The following CADM2 variants were observed in gnomAD, a reference collection of about 807,000 sequenced individuals.
CADM2 encodes immunoglobulin superfamily member 4D.
CADM2 carries 12 observed loss-of-function variants against 49.8 expected under a neutral mutation model. That is an observed-to-expected ratio of 0.24 (90% CI 0.15 to 0.39). The LOEUF is 0.39. Ranked by LOEUF, CADM2 falls within the 10% of genes least tolerant of loss-of-function variation. CADM2 has a pLI of 1.00. For missense variants in CADM2, 378 were observed against 492.3 expected (o/e 0.77, Z 2.20); for synonymous variants, 214 against 175.4 (o/e 1.22, Z -1.74).
At chr3:85,507,609 TC>T in intron 1 of CADM2, among the ~76,000 whole-genome samples, 1 of 152,344 alleles carries the variant, frequency 6.6e-6, no homozygotes, top group East Asian at 1.9e-4. Flanking sequence ...CATTAGGCAA[TC>T]ATTTCTTCAA....
chr3:85,701,318 T>G (rs2066745497), intron 1 of CADM2, among the ~76,000 whole-genome samples: 1 of 152,158 alleles, frequency 6.6e-6, no homozygotes, highest in East Asian at 1.9e-4. Context: ...GGGATTACAT[T>G]ACAACATGAG....
intron 1 of CADM2, among the ~76,000 whole-genome samples, chr3:85,099,294 G>T (rs998491698): frequency 6.6e-6 from 1 of 152,096 alleles, no homozygotes; most frequent in African/African-American, 2.4e-5. Flanking sequence ...TTTTCTCAAA[G>T]TCCAATAACA....
rs1279816192 is a variant in CADM2 at position 85,315,055 on chromosome 3, C to A, written c.61+355387C>A. Among the ~76,000 whole-genome samples the A allele has an allele frequency of 4.6e-5, 7 of 152,132 alleles. No individual in the cohort carries two copies. The East Asian group carries it at 1.3e-3, about 29-fold the overall frequency. On this transcript the variant is annotated intron_variant, in intron 1 of 9. Coordinates refer to ENST00000383699, the MANE Select transcript of CADM2 (RefSeq NM_001167675.2). ...TGCTCCAAAAATTTTAGGAGAGGAT[C>A]TTTACTTGTGTCTTCTAGTTTCTGG... is the stretch of plus-strand genomic sequence containing the variant.
At chr3:85,642,089 A>T (rs2064735367) in intron 1 of CADM2, among the ~76,000 whole-genome samples, 1 of 152,132 alleles carries the variant, frequency 6.6e-6, no homozygotes, top group South Asian at 2.1e-4. Flanking sequence ...AAAATCATTC[A>T]TGTATTTGCC....
intron 1 of CADM2, among the ~76,000 whole-genome samples, chr3:85,016,791 T>TAAA (rs370640408): frequency 1.4e-5 from 2 of 144,886 alleles, no homozygotes; most frequent in African/African-American, 5.1e-5. Flanking sequence ...AGTCTCCATC[T>TAAA]AAAAAAAAAA....
At chr3:85,637,752 G>A (rs2064559757) in intron 1 of CADM2, among the ~76,000 whole-genome samples, 1 of 151,956 alleles carries the variant, frequency 6.6e-6, no homozygotes, top group Admixed American at 6.6e-5. Flanking sequence ...GAATGCAAAA[G>A]CAGGATTCAA....
chr3:85,260,203 C>A, intron 1 of CADM2, among the ~76,000 whole-genome samples: 1 of 151,888 alleles, frequency 6.6e-6, no homozygotes, highest in East Asian at 1.9e-4. Context: ...TATACTAGAT[C>A]AGTAATTTTA....
At chr3:85,078,081 A>G (rs796324637) in intron 1 of CADM2, among the ~76,000 whole-genome samples, 37 of 152,216 alleles carry the variant, frequency 2.4e-4, no homozygotes, top group African/African-American at 8.9e-4. Flanking sequence ...GTATATGGAA[A>G]TATGGCTCAA....
chr3:84,972,706 G>T (rs1395477187), intron 1 of CADM2, among the ~76,000 whole-genome samples: 2 of 152,028 alleles, frequency 1.3e-5, no homozygotes, highest in Non-Finnish European at 1.5e-5. Context: ...ATAGCCTTTG[G>T]TTTTCTGAAG....
intron 1 of CADM2, among the ~76,000 whole-genome samples, chr3:85,416,984 G>A (rs1211439495): frequency 2.6e-5 from 4 of 151,944 alleles, no homozygotes; most frequent in South Asian, 2.1e-4. Context: ...TTCAAATAAA[G>A]TCTCTGATTA....
chr3:86,051,749 C>A (rs566212046), intron 8 of CADM2, among the ~76,000 whole-genome samples: 1 of 152,098 alleles, frequency 6.6e-6, no homozygotes, highest in Admixed American at 6.5e-5. Context: ...GAAGAGAGAG[C>A]CGAGGGAGGT....
chr3:85,509,240 A>C (rs1466001355), intron 1 of CADM2, among the ~76,000 whole-genome samples: 1 of 152,166 alleles, frequency 6.6e-6, no homozygotes, highest in Non-Finnish European at 1.5e-5. Context: ...GGGCAGTAGC[A>C]GGAAGAGGGT....
intron 1 of CADM2, among the ~76,000 whole-genome samples, chr3:85,122,436 A>G (rs2038898772): frequency 6.6e-6 from 1 of 152,052 alleles, no homozygotes; most frequent in Non-Finnish European, 1.5e-5. Context: ...TACACTATTT[A>G]TGTAATTTTC....
chr3:85,288,786 C>A lies in CADM2; in HGVS notation c.61+329118C>A, dbSNP rs887430885. ...CCAGTATTCTGCTTTACCAATATGC[C>A]CCCCCCCCCTCTTTTTTTCCATCAT... On this transcript the variant is annotated intron_variant, in intron 1 of 9. Coordinates refer to ENST00000383699, the MANE Select transcript of CADM2 (RefSeq NM_001167675.2). Among the ~76,000 whole-genome samples the A allele has an allele frequency of 6.5e-3, 462 of 70,822 alleles. 52 individuals are homozygous for A. Among genetic ancestry groups the A allele is most frequent in the Admixed American group, 0.011 (83 of 7,268 alleles). 46.5% of individuals were successfully genotyped at this position (70,822 alleles called of 152,430 possible). A position where few individuals can be genotyped will look rare whatever the true frequency, so the allele number is the denominator to read the frequency against.
intron 1 of CADM2, among the ~76,000 whole-genome samples, chr3:85,172,183 A>T (rs1480846448): frequency 6.6e-6 from 1 of 152,222 alleles, no homozygotes; most frequent in Non-Finnish European, 1.5e-5. Flanking sequence ...TAAGATCACC[A>T]GATGGCAGTC....
intron 8 of CADM2, among the ~76,000 whole-genome samples, chr3:86,057,667 G>A (rs1282257265): frequency 6.6e-6 from 1 of 152,118 alleles, no homozygotes; most frequent in East Asian, 1.9e-4. Flanking sequence ...TTAATCTGGA[G>A]GAGTAAACTC....
At chr3:85,131,123 G>T (rs538066225) in intron 1 of CADM2, among the ~76,000 whole-genome samples, 4 of 151,924 alleles carry the variant, frequency 2.6e-5, no homozygotes, top group Admixed American at 2.6e-4. Flanking sequence ...AGGTAGCAGC[G>T]AGCCAAGATC....
intron 1 of CADM2, among the ~76,000 whole-genome samples, chr3:85,473,652 T>C (rs930471628): frequency 1.7e-4 from 26 of 152,088 alleles, no homozygotes; most frequent in African/African-American, 6.0e-4. Context: ...CTTGAGCCTG[T>C]CTAACAAATA....
chr3:85,413,810 G>A (rs1030402468), intron 1 of CADM2, among the ~76,000 whole-genome samples: 13 of 152,102 alleles, frequency 8.5e-5, no homozygotes, highest in African/African-American at 2.9e-4. Flanking sequence ...TATCAGTATA[G>A]AAACACAATA....
Sources: gnomAD v4.1 joint callset for allele counts (sites outside exome capture counted in the v4.1 genomes callset) on GRCh38, gnomAD v4.1.1 for gene constraint, MANE v1.5 for transcripts, NCBI Gene and HGNC (gene_info 2026-07-23, HGNC 2026-07-21) for gene names.